GPR161: variants seen among roughly 807,000 people sequenced by gnomAD.
The protein encoded by GPR161 is G-protein coupled receptor RE2.
In GPR161, 25 loss-of-function variants were observed where a neutral mutation model predicts 39.2. The observed-to-expected ratio is 0.64, with a 90% CI of 0.47 to 0.89. The LOEUF is 0.89. GPR161 is among the 40% of genes least tolerant of loss of function. The pLI is 0.00. For missense variants in GPR161, 547 were observed against 677.8 expected (o/e 0.81, Z 2.14); for synonymous variants, 286 against 276.6 (o/e 1.03, Z -0.34).
At chr1:168,091,233 G>T (rs1227198902) in intron 3 of GPR161, among the ~76,000 whole-genome samples, 2 of 152,060 alleles carry the variant, frequency 1.3e-5, no homozygotes, top group African/African-American at 4.8e-5. Flanking sequence ...GGGGGTAGGG[G>T]GCCAGGAGCC....
At position 168,124,227 on chromosome 1, in the gene GPR161, TCTC is replaced by T. The variant is rs554411452; in HGVS notation, c.-45+12509_-45+12511del. 2.5e-3 allele frequency among the ~76,000 whole-genome samples: 384 copies of T among 152,230 alleles called. 2 individuals carry two copies. Among genetic ancestry groups the T allele is most frequent in the African/African-American group, 8.7e-3 (361 of 41,524 alleles). On this transcript the variant is annotated intron_variant, in intron 1 of 5. Transcript: ENST00000682931. ...GATAACTCCAAATAAAATCAAACGT[TCTC>T]ATCATTGGAAGGAGAGGGTGTCCAG...
At chr1:168,115,663 G>A (rs1312025902) in intron 1 of GPR161, among the ~76,000 whole-genome samples, 1 of 152,150 alleles carries the variant, frequency 6.6e-6, no homozygotes. Context: ...ACAGGCCCGG[G>A]GTTACTGGCG....
chr1:168,131,224 AC>A (rs1468579634), intron 1 of GPR161, among the ~76,000 whole-genome samples: 4 of 142,886 alleles, frequency 2.8e-5, no homozygotes, highest in African/African-American at 5.2e-5. Context: ...CCCCACCCTT[AC>A]CCCCCACACC....
rs1694122783 is a variant in GPR161, at chr1:168,082,200, T to C, written c.*3331A>G. On this transcript the variant is annotated 3_prime_UTR_variant, in exon 6 of 6. Coordinates refer to ENST00000682931, the MANE Select transcript of GPR161 (RefSeq NM_001375883.1). The stretch of plus-strand genomic sequence containing the variant: ...ACATTGGCACTAGATGGCCCTTGTC[T>C]TACACTCCTCAACTCTGCTTCTCCA... The C allele has an allele frequency of 6.6e-6, 1 of 152,218 alleles. No homozygotes were observed. Among genetic ancestry groups the C allele is most frequent in the African/African-American group, 2.4e-5 (1 of 41,440 alleles). The allele number at this position is 152,218 out of a possible 1,614,324, so 9.4% of individuals were successfully genotyped here.
chr1:168,095,150 A>G (rs1695408411), intron 3 of GPR161, among the ~76,000 whole-genome samples: 1 of 152,238 alleles, frequency 6.6e-6, no homozygotes, highest in African/African-American at 2.4e-5. Flanking sequence ...TCAGATGAAC[A>G]CAAATTAAGG....
At chr1:168,105,642 G>A (rs1558113560) in intron 1 of GPR161, among the ~76,000 whole-genome samples, 1 of 152,172 alleles carries the variant, frequency 6.6e-6, no homozygotes, top group Non-Finnish European at 1.5e-5. Context: ...CTGTAAATGG[G>A]GAAGTAGAGG....
In GPR161 at chr1:168,119,238, A is replaced by ACATATATATATG. The variant is rs1558129774; in HGVS notation, c.-44-14345_-44-14344insCATATATATATG. On this transcript the variant is annotated intron_variant, in intron 1 of 5. Coordinates refer to ENST00000682931, the MANE Select transcript of GPR161 (RefSeq NM_001375883.1). The stretch of plus-strand genomic sequence containing the variant: ...TACATATATATATACGTATATATAT[A>ACATATATATATG]TATACACATATATATATACGTATAT... Among the ~76,000 whole-genome samples the ACATATATATATG allele has an allele frequency of 7.8e-4, 97 of 124,084 alleles. 11 individuals are homozygous for ACATATATATATG. Among genetic ancestry groups the ACATATATATATG allele is most frequent in the African/African-American group, 3.1e-3 (91 of 29,264 alleles). 81.4% of individuals were successfully genotyped at this position (124,084 alleles called of 152,430 possible).
At chr1:168,121,278 G>T (rs776627752) in intron 1 of GPR161, among the ~76,000 whole-genome samples, 1 of 152,122 alleles carries the variant, frequency 6.6e-6, no homozygotes, top group Admixed American at 6.5e-5. Flanking sequence ...CCCAGCAAGT[G>T]GAACAACTCC....
At chr1:168,122,333 T>C (rs981249742) in intron 1 of GPR161, among the ~76,000 whole-genome samples, 4 of 152,254 alleles carry the variant, frequency 2.6e-5, no homozygotes. Context: ...GTCTTACTAT[T>C]CTCTGCTACC....
chr1:168,114,975 C>G (rs559736517), intron 1 of GPR161, among the ~76,000 whole-genome samples: 1 of 152,240 alleles, frequency 6.6e-6, no homozygotes, highest in African/African-American at 2.4e-5. Context: ...TCACATGACC[C>G]TAGGTCCGGG....
At chr1:168,111,950 T>C (rs1223659437) in intron 1 of GPR161, among the ~76,000 whole-genome samples, 1 of 144,074 alleles carries the variant, frequency 6.9e-6, no homozygotes, top group African/African-American at 2.6e-5. Context: ...AGATAAATAG[T>C]AGACTCTTCA....
At chr1:168,099,412 G>A (rs3767477) in intron 2 of GPR161, among the ~76,000 whole-genome samples, 2,633 of 152,228 alleles carry the variant, frequency 0.017, 60 homozygotes, top group East Asian at 0.057. Context: ...CTGTCACCTC[G>A]GTAGTGTACG....
rs1259755229 is a variant in GPR161 at position 168,094,222 on chromosome 1, GTCC to G, written c.1099+2283_1099+2285del. ...CGAACCCTTTCCTGCTCCATTTTCT[GTCC>G]TCATTTTTTTTCCTTCTTCATTTTA... On this transcript the variant is annotated intron_variant, in intron 3 of 5. Coordinates refer to ENST00000682931, the MANE Select transcript of GPR161 (RefSeq NM_001375883.1). 2.6e-5 allele frequency among the ~76,000 whole-genome samples: 4 copies of G among 152,068 alleles called. No individual in the cohort carries two copies. The East Asian group carries it at 5.8e-4, about 22-fold the overall frequency.
chr1:168,126,749 C>T (rs1698623626), intron 1 of GPR161, among the ~76,000 whole-genome samples: 2 of 152,176 alleles, frequency 1.3e-5, no homozygotes, highest in Non-Finnish European at 2.9e-5. Flanking sequence ...TCACCACACC[C>T]GGCCATAATA....
intron 1 of GPR161, chr1:168,114,319 A>G (rs972492985): frequency 2.6e-5 from 4 of 152,182 alleles, no homozygotes; most frequent in African/African-American, 9.7e-5. Context: ...GCTGTGGCTC[A>G]CACCTATAAT....
At chr1:168,134,625 T>C (rs1699231178) in intron 1 of GPR161, among the ~76,000 whole-genome samples, 1 of 152,184 alleles carries the variant, frequency 6.6e-6, no homozygotes, top group East Asian at 1.9e-4. Flanking sequence ...CCTGCACACA[T>C]AATTTGGTTA....
In GPR161 at chr1:168,136,576, G is replaced by A. The variant is rs542340620; in HGVS notation, c.-45+163C>T. 3.9e-5 allele frequency: 49 copies of A among 1,241,428 alleles called. No individual in the cohort carries two copies. In the African/African-American group the frequency reaches 5.6e-4, roughly 14 times the overall value. The allele number at this position is 1,241,428 out of a possible 1,614,324, so 76.9% of individuals were successfully genotyped here. A position where few individuals can be genotyped will look rare whatever the true frequency, so the allele number is the denominator to read the frequency against. The stretch of plus-strand genomic sequence containing the variant: ...CGCAGTGCGGGCGGAGGACAGCCCT[G>A]ACCTCCGAGAGGGGCGCGGGGAGAA... On this transcript the variant is annotated intron_variant, in intron 1 of 5. Transcript: ENST00000682931.
At chr1:168,105,183 G>C (rs1308752717) in intron 1 of GPR161, among the ~76,000 whole-genome samples, 2 of 152,104 alleles carry the variant, frequency 1.3e-5, no homozygotes, top group Non-Finnish European at 2.9e-5. Context: ...CTGAAGAATC[G>C]TCTGAAGTGC....
intron 1 of GPR161, among the ~76,000 whole-genome samples, chr1:168,115,275 T>C (rs1265159448): frequency 1.3e-5 from 2 of 152,196 alleles, no homozygotes; most frequent in Admixed American, 6.5e-5. Flanking sequence ...GCTGGGTTTC[T>C]ATCACTTGCA....
Sources: allele counts gnomAD v4.1 joint callset (sites outside exome capture counted in the v4.1 genomes callset), GRCh38; gene constraint gnomAD v4.1.1; transcripts MANE v1.5; gene names NCBI Gene and HGNC (gene_info 2026-07-23, HGNC 2026-07-21).